The following PRKN variants were observed in gnomAD, a reference collection of about 807,000 sequenced individuals.
PRKN encodes the protein parkin RBR E3 ubiquitin protein ligase.
A neutral mutation model predicts 59.5 loss-of-function variants in PRKN; 56 were observed. The ratio of observed to expected loss-of-function variants is 0.94; its 90% CI spans 0.76 to 1.18. PRKN has a LOEUF of 1.18. Among genes scored for constraint, PRKN ranks in the 50% most tolerant of loss-of-function variants. The probability of loss-of-function intolerance (pLI) is 0.00; values close to 1 mark genes in which losing one functional copy is unlikely to be tolerated. For synonymous variants in PRKN, 250 were observed against 222.1 expected (o/e 1.13, Z -1.12); for missense variants, 657 against 596.4 (o/e 1.10, Z -1.06).
intron 9 of PRKN, among the ~76,000 whole-genome samples, chr6:161,489,907 T>C (rs1318790428): frequency 2.0e-5 from 3 of 152,202 alleles, no homozygotes; most frequent in African/African-American, 7.2e-5. Flanking sequence ...AACTTCTGGA[T>C]TCATTTGAGT....
intron 9 of PRKN, among the ~76,000 whole-genome samples, chr6:161,398,525 T>C (rs144108182): frequency 1.4e-3 from 206 of 152,294 alleles, no homozygotes; most frequent in African/African-American, 4.8e-3. Context: ...TTCTAGCTCA[T>C]TCATTCAACC....
chr6:162,355,886 T>C (rs1190317393), intron 2 of PRKN, among the ~76,000 whole-genome samples: 1 of 152,158 alleles, frequency 6.6e-6, no homozygotes, highest in Non-Finnish European at 1.5e-5. Context: ...CTGATCTATT[T>C]GACAAAAACT....
At chr6:162,691,933 C>T (rs1304749280) in intron 1 of PRKN, among the ~76,000 whole-genome samples, 1 of 151,816 alleles carries the variant, frequency 6.6e-6, no homozygotes, top group African/African-American at 2.4e-5. Flanking sequence ...TTTTATCAGG[C>T]TTTCATGTAA....
chr6:161,398,438 C>T (rs1383973960), intron 9 of PRKN, among the ~76,000 whole-genome samples: 2 of 152,104 alleles, frequency 1.3e-5, no homozygotes, highest in Non-Finnish European at 2.9e-5. Context: ...TCAGGCCCCA[C>T]CCAAGAAGTA....
At chr6:161,644,627 A>G (rs1192727274) in intron 7 of PRKN, among the ~76,000 whole-genome samples, 2 of 152,168 alleles carry the variant, frequency 1.3e-5, no homozygotes, top group Non-Finnish European at 2.9e-5. Context: ...TCATGTCTTC[A>G]TGGCGTCTGT....
intron 7 of PRKN, among the ~76,000 whole-genome samples, chr6:161,666,351 TG>T (rs1474879845): frequency 1.3e-5 from 2 of 152,210 alleles, no homozygotes; most frequent in African/African-American, 4.8e-5. Flanking sequence ...TACACATGCA[TG>T]GGATGTAAGT....
intron 3 of PRKN, among the ~76,000 whole-genome samples, chr6:162,241,138 T>G (rs180885232): frequency 2.0e-5 from 3 of 152,296 alleles, no homozygotes; most frequent in Non-Finnish European, 4.4e-5. Flanking sequence ...TGCAATTCTG[T>G]CTAATGTCTT....
intron 1 of PRKN, among the ~76,000 whole-genome samples, chr6:162,507,726 T>C (rs1275002710): frequency 6.6e-6 from 1 of 152,206 alleles, no homozygotes; most frequent in Non-Finnish European, 1.5e-5. Context: ...GATCATTTGA[T>C]CTATGTCTGT....
chr6:161,628,850 A>C (rs576195818), intron 7 of PRKN, among the ~76,000 whole-genome samples: 1 of 152,240 alleles, frequency 6.6e-6, no homozygotes, highest in South Asian at 2.1e-4. Flanking sequence ...CAGGAAGCCA[A>C]TGAGAGTGTA....
intron 1 of PRKN, among the ~76,000 whole-genome samples, chr6:162,716,449 T>G (rs1778723810): frequency 6.6e-6 from 1 of 152,206 alleles, no homozygotes; most frequent in Non-Finnish European, 1.5e-5. Context: ...CCAGGGAGCA[T>G]GAAGTGTCTA....
intron 7 of PRKN, among the ~76,000 whole-genome samples, chr6:161,666,031 T>A (rs928715450): frequency 6.6e-6 from 1 of 152,154 alleles, no homozygotes; most frequent in East Asian, 1.9e-4. Flanking sequence ...CTGGATTCCA[T>A]CCCAGCTGGG....
intron 2 of PRKN, among the ~76,000 whole-genome samples, chr6:162,273,489 G>C (rs1780482642): frequency 6.6e-6 from 1 of 152,056 alleles, no homozygotes. Context: ...TACAAAAAAA[G>C]GAACCCAAAA....
intron 1 of PRKN, among the ~76,000 whole-genome samples, chr6:162,691,951 G>A (rs1777789830): frequency 6.6e-6 from 1 of 151,656 alleles, no homozygotes; most frequent in South Asian, 2.1e-4. Flanking sequence ...TAAATAGGTA[G>A]TAAAATTTTC....
chr6:162,418,078 C>A (rs1408118477), intron 2 of PRKN, among the ~76,000 whole-genome samples: 1 of 152,148 alleles, frequency 6.6e-6, no homozygotes, highest in East Asian at 1.9e-4. Flanking sequence ...TAGCATCATT[C>A]ACGATACTCA....
intron 2 of PRKN, among the ~76,000 whole-genome samples, chr6:162,265,649 C>T (rs145768555): frequency 6.6e-6 from 1 of 152,136 alleles, no homozygotes; most frequent in Non-Finnish European, 1.5e-5. Context: ...TGAGATCTCA[C>T]CACTGCACTG....
intron 1 of PRKN, among the ~76,000 whole-genome samples, chr6:162,683,325 A>T (rs1443667954): frequency 6.6e-6 from 1 of 152,154 alleles, no homozygotes; most frequent in East Asian, 1.9e-4. Flanking sequence ...CTAGTATCAG[A>T]CAGCAGAGAG....
rs1792716531 is a variant in PRKN, at chr6:161,835,586, T to C, written c.735-49678A>G. On this transcript the variant is annotated intron_variant, in intron 6 of 11. Transcript: ENST00000366898. ...GGCAAAATGCTTTTCCCACACCGCA[T>C]GCTGCAGCTGGGCCCCATGCGTTTC... Among the ~76,000 whole-genome samples the C allele has an allele frequency of 2.0e-5, 3 of 152,188 alleles. No homozygotes were observed. The South Asian group carries it at 6.2e-4, about 31-fold the overall frequency.
At chr6:161,531,237 C>T (rs1350411108) in intron 9 of PRKN, among the ~76,000 whole-genome samples, 10 of 151,870 alleles carry the variant, frequency 6.6e-5, no homozygotes, top group African/African-American at 9.7e-5. Context: ...AAAAATTAGC[C>T]GGGTATGGTG....
chr6:161,364,758 C>A (rs775763070), intron 10 of PRKN, among the ~76,000 whole-genome samples: 1 of 151,838 alleles, frequency 6.6e-6, no homozygotes, highest in Non-Finnish European at 1.5e-5. Flanking sequence ...ATCAGCCTGG[C>A]CAACACAGCG....
Sources: gnomAD v4.1 joint callset for allele counts (sites outside exome capture counted in the v4.1 genomes callset) on GRCh38, gnomAD v4.1.1 for gene constraint, MANE v1.5 for transcripts, NCBI Gene and HGNC (gene_info 2026-07-23, HGNC 2026-07-21) for gene names.